Variants in XKR9 observed in about 807,000 individuals in gnomAD.
XKR9 encodes the protein XK-related protein 9.
A neutral mutation model predicts 32.0 loss-of-function variants in XKR9; 32 were observed. The observed-to-expected ratio is 1.00, with a 90% CI of 0.76 to 1.34. The LOEUF (loss-of-function observed/expected upper bound fraction) is 1.34. Among genes scored for constraint, XKR9 ranks in the 40% most tolerant of loss-of-function variants. XKR9 has a pLI of 0.00. For synonymous variants in XKR9, 168 were observed against 143.4 expected, an observed-to-expected ratio of 1.17 and a Z score of -1.22; for missense variants, 546 against 429.7, an observed-to-expected ratio of 1.27 and a Z score of -2.39.
the XKR9 span, among the ~76,000 whole-genome samples, chr8:71,015,208 G>A: frequency 6.6e-6 from 1 of 152,152 alleles, no homozygotes; most frequent in African/African-American, 2.4e-5. Flanking sequence ...CTAATTTTGA[G>A]TTAGCAGAAT....
the XKR9 span, among the ~76,000 whole-genome samples, chr8:70,882,492 T>C: frequency 2.2e-4 from 33 of 151,760 alleles, no homozygotes; most frequent in African/African-American, 8.0e-4. Flanking sequence ...CTTGTAAAAA[T>C]TGTTTATTTT....
chr8:70,971,768 T>C, the XKR9 span, among the ~76,000 whole-genome samples: 1 of 152,124 alleles, frequency 6.6e-6, no homozygotes, highest in East Asian at 1.9e-4. Flanking sequence ...ATCAGTTGGG[T>C]GTAAGTATTT....
At chr8:70,782,783 C>T (rs919284667) in intron 2 of XKR9, among the ~76,000 whole-genome samples, 3 of 152,162 alleles carry the variant, frequency 2.0e-5, no homozygotes, top group Admixed American at 6.5e-5. Flanking sequence ...GAATAGTATC[C>T]TACTGCGTAT....
At chr8:70,775,139 A>G (rs887170542) in intron 2 of XKR9, among the ~76,000 whole-genome samples, 10 of 152,134 alleles carry the variant, frequency 6.6e-5, no homozygotes, top group South Asian at 2.1e-4. Flanking sequence ...ATGCTGGGAT[A>G]TATCAACATA....
the XKR9 span, among the ~76,000 whole-genome samples, chr8:70,868,560 G>A: frequency 4.6e-5 from 7 of 152,206 alleles, no homozygotes; most frequent in African/African-American, 1.7e-4. Flanking sequence ...AGGGCACCAA[G>A]TCCCTAGGCT....
chr8:70,699,242 T>A (rs1394811709), intron 3 of XKR9, among the ~76,000 whole-genome samples: 1 of 152,198 alleles, frequency 6.6e-6, no homozygotes, highest in Non-Finnish European at 1.5e-5. Context: ...TAGCTGTTTA[T>A]TTTGCTCATT....
chr8:70,714,793 A>T (rs989650246), intron 4 of XKR9, among the ~76,000 whole-genome samples: 6 of 152,020 alleles, frequency 3.9e-5, no homozygotes, highest in African/African-American at 1.4e-4. Flanking sequence ...TATTTTCTTC[A>T]CTGATGTCAG....
At chr8:70,791,032 C>T (rs1038025185), downstream of XKR9, among the ~76,000 whole-genome samples, 1 of 152,108 alleles carries the variant, frequency 6.6e-6, no homozygotes, top group African/African-American at 2.4e-5. Flanking sequence ...AAAGATCCTA[C>T]TTCCTAACAC....
chr8:70,952,653 G>A, the XKR9 span, among the ~76,000 whole-genome samples: 3 of 152,198 alleles, frequency 2.0e-5, no homozygotes, highest in Non-Finnish European at 4.4e-5. Flanking sequence ...GTAGCTGAAG[G>A]CCTGGGATGG....
At chr8:70,819,606 C>T in the XKR9 span, among the ~76,000 whole-genome samples, 7 of 152,158 alleles carry the variant, frequency 4.6e-5, no homozygotes, top group African/African-American at 1.2e-4. Context: ...AATTTCCTTA[C>T]ATAAAATAGA....
At chr8:70,830,939 A>G in the XKR9 span, among the ~76,000 whole-genome samples, 3 of 152,164 alleles carry the variant, frequency 2.0e-5, no homozygotes, top group African/African-American at 7.2e-5. Flanking sequence ...CACTCACTGT[A>G]CTACCTAGTC....
At chr8:70,836,848 C>T in the XKR9 span, among the ~76,000 whole-genome samples, 2 of 152,048 alleles carry the variant, frequency 1.3e-5, no homozygotes, top group Non-Finnish European at 2.9e-5. Context: ...AGACTGATGT[C>T]TCAATATGTG....
intron 4 of XKR9, among the ~76,000 whole-genome samples, chr8:70,727,264 A>G (rs759423645): frequency 6.6e-6 from 1 of 151,902 alleles, no homozygotes; most frequent in Non-Finnish European, 1.5e-5. Context: ...TATAAAAAAG[A>G]TATGGGGCAA....
intron 2 of XKR9, among the ~76,000 whole-genome samples, chr8:70,745,985 G>A (rs1009549651): frequency 4.6e-5 from 7 of 152,050 alleles, no homozygotes; most frequent in African/African-American, 1.7e-4. Context: ...TGTCTTTGGG[G>A]TTAACATGAA....
At chr8:70,778,423 T>G (rs1248228734) in intron 2 of XKR9, among the ~76,000 whole-genome samples, 1 of 152,168 alleles carries the variant, frequency 6.6e-6, no homozygotes, top group African/African-American at 2.4e-5. Context: ...TTGTCTTGTC[T>G]ATGTGAGCTC....
intron 4 of XKR9, among the ~76,000 whole-genome samples, chr8:70,726,883 T>C (rs1278867336): frequency 6.6e-6 from 1 of 152,184 alleles, no homozygotes; most frequent in Non-Finnish European, 1.5e-5. Flanking sequence ...CTCCTGCTCC[T>C]CCTCTCATCA....
At chr8:70,795,442 C>T in the XKR9 span, among the ~76,000 whole-genome samples, 5,624 of 152,110 alleles carry the variant, frequency 0.037, 162 homozygotes, top group Non-Finnish European at 0.05. Flanking sequence ...CATATGGACA[C>T]ATGTCCACAC....
the XKR9 span, among the ~76,000 whole-genome samples, chr8:70,862,473 GTTA>G: frequency 6.6e-6 from 1 of 150,912 alleles, no homozygotes; most frequent in Admixed American, 6.6e-5. Context: ...TCTTGTTGTT[GTTA>G]TTTGTTTTAG....
At chr8:70,952,969 T>C in the XKR9 span, among the ~76,000 whole-genome samples, 10 of 152,182 alleles carry the variant, frequency 6.6e-5, no homozygotes, top group Admixed American at 1.3e-4. Flanking sequence ...ACCTCATTAA[T>C]TGTGGTGTAG....
Sources: gnomAD v4.1 joint callset for allele counts (sites outside exome capture counted in the v4.1 genomes callset) on GRCh38, gnomAD v4.1.1 for gene constraint, MANE v1.5 for transcripts, NCBI Gene and HGNC (gene_info 2026-07-23, HGNC 2026-07-21) for gene names.